The following LINC00632 variants were observed in gnomAD, a reference collection of about 807,000 sequenced individuals.
LINC00632 encodes long independently transcribed non-coding RNA 632, also known as ALDOA related specific transcript.
exon 5 of LINC00632, among the ~76,000 whole-genome samples, chrX:140,782,010 C>T (rs888615735): frequency 5.3e-5 from 6 of 112,179 alleles, no homozygotes; most frequent in African/African-American, 1.9e-4. Flanking sequence ...TCTTGTTAAC[C>T]AATAAGGCCA....
intron 2 of LINC00632, among the ~76,000 whole-genome samples, chrX:140,730,121 C>T (rs1018266730): frequency 7.2e-5 from 8 of 110,746 alleles, no homozygotes; most frequent in Non-Finnish European, 1.5e-4. Flanking sequence ...GTGATCCCCC[C>T]GCCTCGGCCT....
At chrX:140,721,423 G>A (rs1267796250) in intron 2 of LINC00632, among the ~76,000 whole-genome samples, 9 of 111,542 alleles carry the variant, frequency 8.1e-5, no homozygotes. Flanking sequence ...GTTTTGGGAT[G>A]AAACTGTTCT....
exon 5 of LINC00632, among the ~76,000 whole-genome samples, chrX:140,778,186 C>G (rs1402676039): frequency 1.8e-5 from 2 of 112,364 alleles, no homozygotes; most frequent in East Asian, 2.8e-4. Context: ...AACAGAGAAC[C>G]CTGTATGGTG....
chrX:140,790,676 G>A (rs764130019), exon 5 of LINC00632, among the ~76,000 whole-genome samples: 37 of 110,953 alleles, frequency 3.3e-4, no homozygotes, highest in Non-Finnish European at 5.3e-4. Flanking sequence ...ATCTAGTAAC[G>A]AGGGATCTGT....
rs1019123917 is a variant in LINC00632, at chrX:140,755,601, A to C, written n.192-16477A>C. 5.3e-5 allele frequency among the ~76,000 whole-genome samples: 6 copies of C among 112,454 alleles called. No homozygotes were observed. The Admixed American group carries it at 5.7e-4, about 11-fold the overall frequency. On this transcript the variant is annotated intron_variant and non_coding_transcript_variant, in intron 3 of 4. Transcript: ENST00000648200. ...ACAGAAGCTAAAGAAATGTTTGTAG[A>C]ATGAATAGATGAATTTATGAATATT... is the stretch of plus-strand genomic sequence containing the variant.
exon 5 of LINC00632, among the ~76,000 whole-genome samples, chrX:140,786,264 T>C (rs1932017241): frequency 8.9e-6 from 1 of 112,332 alleles, no homozygotes; most frequent in Admixed American, 9.5e-5. Flanking sequence ...CAAATATTTA[T>C]TGAGCGCTAA....
chrX:140,720,047 A>T (rs758751257), intron 2 of LINC00632, among the ~76,000 whole-genome samples: 37 of 105,058 alleles, frequency 3.5e-4, no homozygotes, highest in Non-Finnish European at 6.2e-4. Context: ...AGACCGCACC[A>T]TTGCCCTCCA....
chrX:140,783,607 A>G (rs367943672), exon 5 of LINC00632: 1 of 1,208,241 alleles, frequency 8.3e-7, no homozygotes, highest in Non-Finnish European at 1.1e-6. Flanking sequence ...AGTGTCTTCC[A>G]GAAAGAAATC....
At chrX:140,753,827 G>GTGC (rs1294318393) in intron 3 of LINC00632, among the ~76,000 whole-genome samples, 1 of 84,656 alleles carries the variant, frequency 1.2e-5, no homozygotes, top group Non-Finnish European at 2.1e-5. Flanking sequence ...CCAGGCTGAA[G>GTGC]TGCAGTGGCA....
At chrX:140,735,549 A>T (rs1931130579) in intron 3 of LINC00632, among the ~76,000 whole-genome samples, 1 of 108,077 alleles carries the variant, frequency 9.3e-6, no homozygotes, top group Non-Finnish European at 1.9e-5. Flanking sequence ...TAATTTTGAT[A>T]AAATGGTATT....
chrX:140,780,906 C>CTT (rs1481385487), exon 5 of LINC00632, among the ~76,000 whole-genome samples: 1 of 110,641 alleles, frequency 9.0e-6, no homozygotes, highest in African/African-American at 3.3e-5. Context: ...CATCCCAACC[C>CTT]TTTAAGTGTT....
At chrX:140,758,855 T>C (rs1052913039) in intron 3 of LINC00632, among the ~76,000 whole-genome samples, 2 of 111,781 alleles carry the variant, frequency 1.8e-5, no homozygotes, top group Non-Finnish European at 3.8e-5. Flanking sequence ...ATGATAAGCC[T>C]GGTAAGCTCA....
intron 2 of LINC00632, among the ~76,000 whole-genome samples, chrX:140,720,895 C>T (rs1930717985): frequency 9.0e-6 from 1 of 111,482 alleles, no homozygotes; most frequent in South Asian, 3.8e-4. Context: ...CAGACATGCC[C>T]TACAACACCC....
chrX:140,753,768 CTTTTTTTTTT>C (rs752596283), intron 3 of LINC00632, among the ~76,000 whole-genome samples: 1 of 49,729 alleles, frequency 2.0e-5, no homozygotes, highest in Non-Finnish European at 3.2e-5. Context: ...TTCTTTCTTT[CTTTTTTTTTT>C]TTTTTTTTTT....
intron 3 of LINC00632, among the ~76,000 whole-genome samples, chrX:140,762,348 T>C (rs1202930323): frequency 1.3e-4 from 15 of 111,310 alleles, no homozygotes; most frequent in Non-Finnish European, 2.6e-4. Context: ...TGAAGCAGCG[T>C]AGCAATGGAC....
intron 3 of LINC00632, among the ~76,000 whole-genome samples, chrX:140,749,578 A>T (rs1313741706): frequency 9.0e-6 from 1 of 111,343 alleles, no homozygotes; most frequent in East Asian, 2.8e-4. Flanking sequence ...AAATTATAAG[A>T]AGTAGGGGAG....
At chrX:140,715,014 T>C (rs937627627) in intron 2 of LINC00632, among the ~76,000 whole-genome samples, 1 of 110,760 alleles carries the variant, frequency 9.0e-6, no homozygotes, top group Admixed American at 9.7e-5. Flanking sequence ...CTCTGATAAA[T>C]AGACATACCT....
At chrX:140,771,421 A>C (rs1234998067) in intron 3 of LINC00632, among the ~76,000 whole-genome samples, 2 of 108,148 alleles carry the variant, frequency 1.8e-5, no homozygotes, top group East Asian at 5.9e-4. Context: ...AAGAACAAGT[A>C]TTTAAAGAGG....
chrX:140,772,589 A>C, exon 4 of LINC00632: 1 of 257,487 alleles, frequency 3.9e-6, no homozygotes, highest in Non-Finnish European at 6.9e-6. Context: ...AGTTCTTTAA[A>C]TGCTTGATAA....
Sources: gnomAD v4.1 joint callset for allele counts (sites outside exome capture counted in the v4.1 genomes callset) on GRCh38, gnomAD v4.1.1 for gene constraint, MANE v1.5 for transcripts, NCBI Gene and HGNC (gene_info 2026-07-23, HGNC 2026-07-21) for gene names.